Variants in BANP observed in about 807,000 individuals in gnomAD.
BANP encodes the protein protein BANP.
BANP carries 11 observed loss-of-function variants against 68.1 expected under a neutral mutation model. That is an observed-to-expected ratio of 0.16 (90% CI 0.10 to 0.27). The LOEUF (loss-of-function observed/expected upper bound fraction) is 0.27, where lower values mean the gene tolerates loss of function less well. Ranked by LOEUF, BANP falls within the 10% of genes least tolerant of loss-of-function variation. BANP has a pLI of 1.00. For synonymous variants in BANP, 329 were observed against 303.2 expected (o/e 1.09, Z -0.88); for missense variants, 504 against 722.7 (o/e 0.70, Z 3.47).
At chr16:88,021,607 C>G (rs192040324) in intron 7 of BANP, among the ~76,000 whole-genome samples, 1 of 152,334 alleles carries the variant, frequency 6.6e-6, no homozygotes. Context: ...ATGGCTTTAC[C>G]TTTTCTTCCT....
intron 7 of BANP, among the ~76,000 whole-genome samples, chr16:88,024,232 C>T (rs575674061): frequency 1.7e-4 from 26 of 152,248 alleles, no homozygotes; most frequent in Admixed American, 1.4e-3. Context: ...CAGTGAGGGC[C>T]GCTGCTTCTT....
Position 88,076,852 on chromosome 16 carries a change from G to A in BANP, c.*191G>A. On this transcript the variant is annotated 3_prime_UTR_variant, in exon 14 of 14. Transcript: ENST00000682872. ...GCAGCCGCCGCCGCCCCCAGCCGGA[G>A]ACCCCTTTCGTTTGAGTCCTGCTGT... 3 of 582,914 alleles carry A rather than the reference G, an allele frequency of 5.1e-6. No homozygotes were observed. The highest frequency in any genetic ancestry group is 9.0e-6 in the Non-Finnish European group (3 of 332,984). 36.1% of individuals were successfully genotyped at this position (582,914 alleles called of 1,614,324 possible). A position where few individuals can be genotyped will look rare whatever the true frequency, so the allele number is the denominator to read the frequency against.
intron 11 of BANP, among the ~76,000 whole-genome samples, chr16:88,062,514 C>G (rs1163819133): frequency 6.6e-6 from 1 of 152,150 alleles, no homozygotes; most frequent in East Asian, 1.9e-4. Context: ...AGGGGAAAAC[C>G]CTCTGAATGG....
chr16:87,978,609 G>T (rs968351144), intron 2 of BANP: 1 of 470,092 alleles, frequency 2.1e-6, no homozygotes, highest in Non-Finnish European at 4.4e-6. Flanking sequence ...CTGCCTGTGA[G>T]GAGTCATGAG....
intron 11 of BANP, among the ~76,000 whole-genome samples, chr16:88,039,328 G>A (rs2080183358): frequency 6.9e-6 from 1 of 143,898 alleles, no homozygotes; most frequent in South Asian, 2.4e-4. Context: ...GGCTGCGGTC[G>A]GCGCAGTGCA....
chr16:87,980,107 T>C (rs1402970608), intron 2 of BANP, among the ~76,000 whole-genome samples: 3 of 152,200 alleles, frequency 2.0e-5, no homozygotes, highest in African/African-American at 7.2e-5. Context: ...TAGAGCACGG[T>C]AGGAGTGCAC....
At chr16:87,994,201 C>T (rs1457766678) in intron 4 of BANP, among the ~76,000 whole-genome samples, 2 of 152,226 alleles carry the variant, frequency 1.3e-5, no homozygotes, top group South Asian at 2.1e-4. Context: ...CATCCTGTGC[C>T]GTTGCAGAGT....
rs74040263 is a variant in BANP, at chr16:88,018,854, T to C, written c.895+187T>C. 0.24 allele frequency among the ~76,000 whole-genome samples: 36,855 copies of C among 152,156 alleles called. 4,923 individuals carry two copies. Among genetic ancestry groups the C allele is most frequent in the East Asian group, 0.47 (2,418 of 5,164 alleles). On this transcript the variant is annotated intron_variant, in intron 7 of 13. Transcript: ENST00000682872. The surrounding 1 kb of genome is among the most constrained non-coding windows in gnomAD (Gnocchi z 7.7). ...TGAGCTGTTGACCCTGATGTGCTTA[T>C]TACGCACGGCATGCCCGCACCAAAA...
At chr16:87,992,295 A>G (rs1490403933) in intron 4 of BANP, among the ~76,000 whole-genome samples, 1 of 152,214 alleles carries the variant, frequency 6.6e-6, no homozygotes, top group African/African-American at 2.4e-5. Context: ...GTGTTTGTGC[A>G]ACATGTTAGT....
At chr16:88,014,132 G>T (rs1286268282) in intron 6 of BANP, among the ~76,000 whole-genome samples, 1 of 152,198 alleles carries the variant, frequency 6.6e-6, no homozygotes, top group Non-Finnish European at 1.5e-5. Flanking sequence ...GCTGAAAAAG[G>T]CCAGGAAGAA....
At chr16:88,040,229 C>G (rs12923739) in intron 11 of BANP, among the ~76,000 whole-genome samples, 41,237 of 151,722 alleles carry the variant, frequency 0.27, 7,281 homozygotes, top group Non-Finnish European at 0.41. Context: ...TGTAGCGAAC[C>G]CCCTCGTTTT....
At chr16:87,977,723 G>T (rs1050708245) in intron 2 of BANP, among the ~76,000 whole-genome samples, 2 of 152,206 alleles carry the variant, frequency 1.3e-5, no homozygotes, top group Admixed American at 6.5e-5. Context: ...TTAAAAGAAA[G>T]ACTTCTAGGA....
At chr16:88,054,775 C>T (rs1473803801) in intron 11 of BANP, among the ~76,000 whole-genome samples, 1 of 152,202 alleles carries the variant, frequency 6.6e-6, no homozygotes, top group East Asian at 1.9e-4. Flanking sequence ...TCTGTCCTTA[C>T]TATGTAGGCC....
chr16:88,066,385 G>A (rs1166067908), intron 12 of BANP, among the ~76,000 whole-genome samples: 1 of 152,222 alleles, frequency 6.6e-6, no homozygotes, highest in Non-Finnish European at 1.5e-5. Context: ...TTCTCTCTGT[G>A]GCGCTGCTGC....
chr16:87,955,950 C>T (rs530987718), intron 1 of BANP, among the ~76,000 whole-genome samples: 99 of 152,320 alleles, frequency 6.5e-4, no homozygotes, highest in African/African-American at 2.3e-3. Context: ...GAATTTCCTG[C>T]AGGCAGGTGG....
At chr16:88,063,306 G>A (rs2152884057) in intron 11 of BANP, among the ~76,000 whole-genome samples, 1 of 152,330 alleles carries the variant, frequency 6.6e-6, no homozygotes, top group African/African-American at 2.4e-5. Flanking sequence ...GATGCTTTCT[G>A]CCCTGGCCTG....
rs1190087220 is a variant in BANP, at chr16:88,044,852, GGC to G, written c.1311+6844_1311+6845del. Among the ~76,000 whole-genome samples the G allele has an allele frequency of 4.6e-5, 7 of 152,216 alleles. No homozygotes were observed. The East Asian group carries it at 1.4e-3, about 29-fold the overall frequency. ...CAAAAAATTAGCCGGTGCGGTGGCA[GGC>G]GCCTGTAGTCTCAGCTACTCGGGAG... On this transcript the variant is annotated intron_variant, in intron 11 of 13. Transcript: ENST00000682872.
intron 4 of BANP, among the ~76,000 whole-genome samples, chr16:87,998,888 G>A (rs865920049): frequency 3.6e-4 from 33 of 90,904 alleles, no homozygotes; most frequent in African/African-American, 9.8e-4. Flanking sequence ...ACGCACGTGC[G>A]CGGCTGTACT....
chr16:87,962,975 C>T (rs914198028), intron 1 of BANP, among the ~76,000 whole-genome samples: 8 of 152,164 alleles, frequency 5.3e-5, no homozygotes, highest in African/African-American at 1.9e-4. Context: ...ACTTACATCC[C>T]GAGAGGATTT....
Sources: allele counts gnomAD v4.1 joint callset (sites outside exome capture counted in the v4.1 genomes callset), GRCh38; gene constraint gnomAD v4.1.1; non-coding constraint Gnocchi (gnomAD v3.1); transcripts MANE v1.5; gene names NCBI Gene and HGNC (gene_info 2026-07-23, HGNC 2026-07-21).